The following ASPRV1 variants were observed in gnomAD, a reference collection of about 807,000 sequenced individuals.
ASPRV1 encodes the protein retroviral-like aspartic protease 1.
Under a neutral mutation model 11.0 loss-of-function variants are expected in ASPRV1, and 7 were observed. The observed-to-expected ratio is 0.64, with a 90% confidence interval of 0.36 to 1.20. The LOEUF is 1.20. ASPRV1 is among the 50% of genes most tolerant of loss of function. The probability of loss-of-function intolerance (pLI) is 0.02; values close to 1 mark genes in which losing one functional copy is unlikely to be tolerated. For missense variants in ASPRV1, 299 were observed against 320.0 expected (o/e 0.93, Z 0.50); for synonymous variants, 136 against 138.4 (o/e 0.98, Z 0.12).
At chr2:69,964,322 C>T, upstream of ASPRV1, 1 of 455,356 alleles carries the variant, frequency 2.2e-6, no homozygotes, top group Non-Finnish European at 4.4e-6. Context: ...CCATACAGTT[C>T]CCTCTGGGAC....
the ASPRV1 span, among the ~76,000 whole-genome samples, chr2:69,994,813 C>A: frequency 6.6e-6 from 1 of 150,950 alleles, no homozygotes; most frequent in Non-Finnish European, 1.5e-5. Flanking sequence ...CTGGCTAACA[C>A]GGTGAAACCC....
chr2:70,012,925 C>G, the ASPRV1 span, among the ~76,000 whole-genome samples: 2 of 152,146 alleles, frequency 1.3e-5, no homozygotes, highest in Admixed American at 6.5e-5. Flanking sequence ...CCTGTCACCT[C>G]ATAGAAAACA....
chr2:69,993,880 G>A, the ASPRV1 span: 1 of 152,188 alleles, frequency 6.6e-6, no homozygotes, highest in Non-Finnish European at 1.5e-5. Flanking sequence ...CACCCTTCCA[G>A]GCTGTTTGTT....
At chr2:69,948,145 G>A in the ASPRV1 span, among the ~76,000 whole-genome samples, 1 of 152,130 alleles carries the variant, frequency 6.6e-6, no homozygotes, top group Admixed American at 6.5e-5. Context: ...TACCTGGGAG[G>A]CTGAGGCAGG....
the ASPRV1 span, among the ~76,000 whole-genome samples, chr2:69,968,679 A>T: frequency 6.6e-6 from 1 of 152,234 alleles, no homozygotes; most frequent in Non-Finnish European, 1.5e-5. Flanking sequence ...AGTAAATAAT[A>T]AGTAAGCAAA....
chr2:70,058,180 C>G, the ASPRV1 span, among the ~76,000 whole-genome samples: 1 of 152,332 alleles, frequency 6.6e-6, no homozygotes, highest in African/African-American at 2.4e-5. Flanking sequence ...ATCATCTTCT[C>G]AATGCTATGG....
the ASPRV1 span, among the ~76,000 whole-genome samples, chr2:69,989,394 C>CCACAG: frequency 6.6e-6 from 1 of 152,246 alleles, no homozygotes; most frequent in Non-Finnish European, 1.5e-5. Flanking sequence ...AGACACAACA[C>CCACAG]CACAGCACAG....
the ASPRV1 span, chr2:69,941,524 C>T: frequency 6.6e-6 from 1 of 152,168 alleles, no homozygotes; most frequent in African/African-American, 2.4e-5. Flanking sequence ...TGATTCAGAA[C>T]TGAACATTAA....
chr2:69,939,739 A>G, the ASPRV1 span: 1 of 152,576 alleles, frequency 6.6e-6, no homozygotes, highest in African/African-American at 2.4e-5. Context: ...GCTGAAGCAG[A>G]GTGTGTCACA....
the ASPRV1 span, among the ~76,000 whole-genome samples, chr2:70,009,278 G>C: frequency 6.6e-6 from 1 of 151,342 alleles, no homozygotes; most frequent in African/African-American, 2.4e-5. Context: ...AAATGATGAA[G>C]CTGTATTCAG....
the ASPRV1 span, among the ~76,000 whole-genome samples, chr2:70,033,311 A>G: frequency 6.6e-6 from 1 of 151,538 alleles, no homozygotes; most frequent in Non-Finnish European, 1.5e-5. Flanking sequence ...ACACACACAC[A>G]CACATATATG....
At chr2:69,997,855 C>G in the ASPRV1 span, 1 of 152,280 alleles carries the variant, frequency 6.6e-6, no homozygotes, top group Non-Finnish European at 1.5e-5. Flanking sequence ...ACGGCCGCCT[C>G]TTCCTCATCG....
At chr2:69,991,640 C>T in the ASPRV1 span, among the ~76,000 whole-genome samples, 2 of 152,030 alleles carry the variant, frequency 1.3e-5, no homozygotes, top group African/African-American at 4.8e-5. Context: ...CTTCGCCTCC[C>T]GGGTTCAAGC....
chr2:70,023,044 C>CTTTA, the ASPRV1 span, among the ~76,000 whole-genome samples: 1 of 152,116 alleles, frequency 6.6e-6, no homozygotes, highest in Non-Finnish European at 1.5e-5. Flanking sequence ...AAAATCAAAA[C>CTTTA]TAAAGAAGAG....
the ASPRV1 span, chr2:69,938,164 T>C: frequency 6.8e-6 from 11 of 1,614,056 alleles, no homozygotes; most frequent in Non-Finnish European, 9.3e-6. Flanking sequence ...GCAGCAGCAG[T>C]GTGAGCGACT....
chr2:69,990,173 T>G, the ASPRV1 span, among the ~76,000 whole-genome samples: 2 of 152,142 alleles, frequency 1.3e-5, no homozygotes, highest in Non-Finnish European at 2.9e-5. Flanking sequence ...TTTGTTTGTT[T>G]ATGTATTTTT....
At chr2:69,950,307 C>T in the ASPRV1 span, among the ~76,000 whole-genome samples, 7 of 152,308 alleles carry the variant, frequency 4.6e-5, no homozygotes, top group South Asian at 2.1e-4. Context: ...CTGGGGTAAC[C>T]GTGTCCTTTT....
the ASPRV1 span, among the ~76,000 whole-genome samples, chr2:69,992,243 C>T: frequency 5.5e-3 from 841 of 152,266 alleles, 7 homozygotes; most frequent in Middle Eastern, 0.02. Context: ...CTCTACTCGG[C>T]GTCTTCGCCT....
At chr2:70,053,472 C>G in the ASPRV1 span, among the ~76,000 whole-genome samples, 29 of 152,152 alleles carry the variant, frequency 1.9e-4, no homozygotes, top group Non-Finnish European at 1.5e-5. Flanking sequence ...AACTATAAGC[C>G]AGGCTCTGTG....
Sources: allele counts gnomAD v4.1 joint callset (sites outside exome capture counted in the v4.1 genomes callset), GRCh38; gene constraint gnomAD v4.1.1; transcripts MANE v1.5; gene names NCBI Gene and HGNC (gene_info 2026-07-23, HGNC 2026-07-21).